The following SUPT3H variants were observed in gnomAD, a reference collection of about 807,000 sequenced individuals.
SUPT3H encodes transcription initiation protein SPT3 homolog.
A neutral mutation model predicts 44.3 loss-of-function variants in SUPT3H; 44 were observed. That is an observed-to-expected ratio of 0.99 (90% CI 0.78 to 1.28). The LOEUF is 1.28. Among genes scored for constraint, SUPT3H ranks in the 50% most tolerant of loss-of-function variants. The probability of loss-of-function intolerance (pLI) is 0.00; values close to 1 mark genes in which losing one functional copy is unlikely to be tolerated. For synonymous variants in SUPT3H, 124 were observed against 125.6 expected, an observed-to-expected ratio of 0.99 and a Z score of 0.09; for missense variants, 380 against 387.1, an observed-to-expected ratio of 0.98 and a Z score of 0.15.
At chr6:44,822,332 T>C (rs561538025), downstream of SUPT3H, among the ~76,000 whole-genome samples, 2 of 152,342 alleles carry the variant, frequency 1.3e-5, no homozygotes, top group South Asian at 4.1e-4. Context: ...TTAGTCTAAA[T>C]AGATCTTTAT....
At chr6:45,070,353 T>C (rs1457995320) in intron 3 of SUPT3H, among the ~76,000 whole-genome samples, 1 of 152,132 alleles carries the variant, frequency 6.6e-6, no homozygotes, top group African/African-American at 2.4e-5. Context: ...CCAAAGCCAA[T>C]TTGGAAACCC....
intron 2 of SUPT3H, among the ~76,000 whole-genome samples, chr6:45,122,435 G>A (rs1441193435): frequency 6.6e-6 from 1 of 151,932 alleles, no homozygotes; most frequent in African/African-American, 2.4e-5. Context: ...AGTACCTAAG[G>A]ATTAAGAAAA....
intron 2 of SUPT3H, among the ~76,000 whole-genome samples, chr6:45,331,510 T>C (rs1381554032): frequency 6.6e-6 from 1 of 151,928 alleles, no homozygotes; most frequent in East Asian, 1.9e-4. Flanking sequence ...GGAGCAGAAT[T>C]ACAAAGTTAA....
chr6:44,936,815 A>C (rs971893794), intron 9 of SUPT3H, among the ~76,000 whole-genome samples: 25 of 152,034 alleles, frequency 1.6e-4, no homozygotes. Context: ...CTACAGGCAC[A>C]CCTACCGCAC....
At chr6:45,079,876 G>A (rs553882701) in intron 3 of SUPT3H, among the ~76,000 whole-genome samples, 1 of 152,116 alleles carries the variant, frequency 6.6e-6, no homozygotes, top group Non-Finnish European at 1.5e-5. Context: ...TACTCTATAG[G>A]GCATTGGACT....
intron 2 of SUPT3H, among the ~76,000 whole-genome samples, chr6:45,184,944 A>G (rs1385515167): frequency 6.6e-6 from 1 of 152,216 alleles, no homozygotes; most frequent in African/African-American, 2.4e-5. Context: ...GCCAAATGGT[A>G]CATTAAATTT....
intron 6 of SUPT3H, among the ~76,000 whole-genome samples, chr6:44,993,465 C>G (rs1363047189): frequency 6.6e-6 from 1 of 151,572 alleles, no homozygotes; most frequent in Non-Finnish European, 1.5e-5. Context: ...GCACTTTCCC[C>G]AATTTTAGAC....
chr6:44,900,777 G>A (rs1764883635), intron 10 of SUPT3H, among the ~76,000 whole-genome samples: 1 of 152,290 alleles, frequency 6.6e-6, no homozygotes, highest in Middle Eastern at 3.4e-3. Context: ...CCCCCTAGCA[G>A]GGGCAGACTG....
At chr6:45,059,984 T>A (rs1169566925) in intron 3 of SUPT3H, among the ~76,000 whole-genome samples, 2 of 152,096 alleles carry the variant, frequency 1.3e-5, no homozygotes, top group African/African-American at 4.8e-5. Flanking sequence ...TGCTCATAGA[T>A]AGGAAGAATC....
At chr6:45,204,472 T>A (rs906875919) in intron 2 of SUPT3H, among the ~76,000 whole-genome samples, 1 of 152,150 alleles carries the variant, frequency 6.6e-6, no homozygotes, top group Non-Finnish European at 1.5e-5. Context: ...AAGAATCTAC[T>A]TTGGTGATTT....
rs1473742851 is a variant in SUPT3H at position 44,829,186 on chromosome 6, A to AAAAC, written c.*626_*629dup. ...TGGAGGAAGAGGTTCTGTGTGAGGA[A>AAAAC]AAACACACATGAAAGGCAGATGGCA... On this transcript the variant is annotated 3_prime_UTR_variant, in exon 11 of 11. Coordinates refer to ENST00000371459, the MANE Select transcript of SUPT3H (RefSeq NM_003599.4). The AAAAC allele has an allele frequency of 6.6e-6, 1 of 152,478 alleles. No homozygotes were observed. The highest frequency in any genetic ancestry group is 1.5e-5 in the Non-Finnish European group (1 of 68,270). 9.4% of individuals were successfully genotyped at this position (152,478 alleles called of 1,614,324 possible). A position where few individuals can be genotyped will look rare whatever the true frequency, so the allele number is the denominator to read the frequency against.
chr6:44,947,269 T>C (rs1049684739), intron 9 of SUPT3H, among the ~76,000 whole-genome samples: 21 of 152,252 alleles, frequency 1.4e-4, no homozygotes, highest in African/African-American at 5.1e-4. Flanking sequence ...AAACCTGCAA[T>C]ATCTCTGAAG....
At chr6:44,922,982 C>T (rs1768966834) in intron 10 of SUPT3H, among the ~76,000 whole-genome samples, 2 of 152,174 alleles carry the variant, frequency 1.3e-5, no homozygotes, top group East Asian at 3.9e-4. Context: ...TTTCTTCATT[C>T]GATTTCCATT....
intron 2 of SUPT3H, among the ~76,000 whole-genome samples, chr6:45,158,295 TATA>T (rs1186073478): frequency 0.038 from 1,226 of 32,148 alleles, 126 homozygotes; most frequent in South Asian, 0.095. Context: ...TATATATATA[TATA>T]TTTTTTTTTT....
intron 1 of SUPT3H, among the ~76,000 whole-genome samples, chr6:45,369,179 C>G (rs999938521): frequency 6.6e-6 from 1 of 152,062 alleles, no homozygotes; most frequent in Non-Finnish European, 1.5e-5. Flanking sequence ...CTGACCTCCC[C>G]AGCCTCCTTT....
chr6:44,829,879 G>C (rs1561845760), intron 10 of SUPT3H, 22 bp from the exon 11 acceptor site: 2 of 1,612,122 alleles, frequency 1.2e-6, no homozygotes, highest in Admixed American at 1.7e-5. Context: ...AAAGAAATCT[G>C]CAATGAATTA....
chr6:45,155,618 C>T (rs1027843001), intron 2 of SUPT3H, among the ~76,000 whole-genome samples: 1 of 152,050 alleles, frequency 6.6e-6, no homozygotes, highest in Non-Finnish European at 1.5e-5. Flanking sequence ...GTTAGCTTGG[C>T]CTATGTACAA....
intron 2 of SUPT3H, among the ~76,000 whole-genome samples, chr6:45,110,878 G>A (rs1799950221): frequency 1.3e-5 from 2 of 152,060 alleles, no homozygotes; most frequent in Non-Finnish European, 2.9e-5. Flanking sequence ...ACTGTAAGGG[G>A]AAAATAAATA....
At chr6:45,353,725 A>G (rs72860185) in intron 2 of SUPT3H, among the ~76,000 whole-genome samples, 2,389 of 152,208 alleles carry the variant, frequency 0.016, 33 homozygotes, top group South Asian at 0.035. Context: ...TCTGTCAAAG[A>G]CAGAAGCAAT....
Sources: gnomAD v4.1 joint callset for allele counts (sites outside exome capture counted in the v4.1 genomes callset) on GRCh38, gnomAD v4.1.1 for gene constraint, MANE v1.5 for transcripts, NCBI Gene and HGNC (gene_info 2026-07-23, HGNC 2026-07-21) for gene names.